LRRC37B: variants seen among roughly 807,000 people sequenced by gnomAD.
The protein encoded by LRRC37B is leucine rich repeat containing 37B.
In LRRC37B, 28 loss-of-function variants were observed where a neutral mutation model predicts 98.3. That is an observed-to-expected ratio of 0.28 (90% CI 0.21 to 0.39). LRRC37B has a LOEUF of 0.39. Among genes scored for constraint, LRRC37B ranks in the 10% least tolerant of loss-of-function variants. The pLI is 1.00. For missense variants in LRRC37B, 938 were observed against 1,182.7 expected (o/e 0.79, Z 3.03); for synonymous variants, 364 against 442.7 (o/e 0.82, Z 2.23).
At chr17:32,021,649 C>T in exon 1 of LRRC37B, 3 of 1,614,222 alleles carry the variant, frequency 1.9e-6, no homozygotes, top group Non-Finnish European at 2.5e-6. Flanking sequence ...GGTCATCAGG[C>T]AGATGAAATA....
intron 1 of LRRC37B, among the ~76,000 whole-genome samples, chr17:32,010,868 A>ATGAGAATATG (rs2142234340): frequency 6.6e-6 from 1 of 152,308 alleles, no homozygotes; most frequent in Non-Finnish European, 1.5e-5. Context: ...TCACATATGA[A>ATGAGAATATG]TGAGAATATG....
intron 7 of LRRC37B, among the ~76,000 whole-genome samples, chr17:32,043,467 G>A (rs1312674020): frequency 2.6e-5 from 4 of 152,256 alleles, no homozygotes; most frequent in East Asian, 3.9e-4. Context: ...AGGCTGAGGC[G>A]GGAGGATCAC....
chr17:32,053,012 T>C (rs1911802116), intron 11 of LRRC37B: 1 of 440,294 alleles, frequency 2.3e-6, no homozygotes. Flanking sequence ...TGCACCATTA[T>C]ACGTAAGGTA....
intron 6 of LRRC37B, among the ~76,000 whole-genome samples, chr17:32,035,208 A>G (rs1911214156): frequency 6.6e-6 from 1 of 152,238 alleles, no homozygotes; most frequent in Non-Finnish European, 1.5e-5. Context: ...GATTTGGAAC[A>G]TGTAGACACA....
At chr17:32,032,395 ACATCGCTCTACTTTAATTC>A in intron 5 of LRRC37B, among the ~76,000 whole-genome samples, 1 of 152,372 alleles carries the variant, frequency 6.6e-6, no homozygotes, top group South Asian at 2.1e-4. Flanking sequence ...TAAAGAAAAT[ACATCGCTCTACTTTAATTC>A]CATATACTTT....
chr17:32,038,963 T>A (rs1157314159), intron 7 of LRRC37B, among the ~76,000 whole-genome samples: 3 of 152,248 alleles, frequency 2.0e-5, no homozygotes, highest in African/African-American at 7.2e-5. Flanking sequence ...ATATGGCTTG[T>A]GCTTTTTTGT....
intron 5 of LRRC37B, chr17:32,034,160 T>C (rs968116058): frequency 6.6e-6 from 1 of 152,208 alleles, no homozygotes; most frequent in African/African-American, 2.4e-5. Flanking sequence ...CTATTTTTTT[T>C]CCTTAACTGT....
chr17:32,043,893 A>G (rs114910976), intron 7 of LRRC37B, among the ~76,000 whole-genome samples: 6,084 of 148,608 alleles, frequency 0.041, 210 homozygotes, highest in South Asian at 0.075. Context: ...TACAACTTCT[A>G]TAATGTAATA....
intron 7 of LRRC37B, among the ~76,000 whole-genome samples, chr17:32,044,994 A>C (rs1911533996): frequency 6.6e-6 from 1 of 152,218 alleles, no homozygotes; most frequent in Non-Finnish European, 1.5e-5. Context: ...CTTTTCACCC[A>C]ACTCCATCAG....
At chr17:32,033,214 G>A (rs1029259799) in intron 5 of LRRC37B, among the ~76,000 whole-genome samples, 1 of 151,816 alleles carries the variant, frequency 6.6e-6, no homozygotes, top group Non-Finnish European at 1.5e-5. Context: ...CCTGACCTCA[G>A]ATGATCCACC....
intron 2 of LRRC37B, among the ~76,000 whole-genome samples, chr17:32,027,293 G>T (rs1267670498): frequency 6.6e-6 from 1 of 152,154 alleles, no homozygotes; most frequent in African/African-American, 2.4e-5. Flanking sequence ...GATACAATTT[G>T]GTGGGAAGAG....
chr17:32,021,954 G>GT lies in LRRC37B; in HGVS notation c.889_890insT (p.Glu297ValfsTer4). 1 of 1,614,040 alleles carries GT rather than the reference G, an allele frequency of 6.2e-7. No individual in the cohort carries two copies. Among genetic ancestry groups the GT allele is most frequent in the Middle Eastern group, 1.7e-4 (1 of 6,058 alleles). On this transcript the variant is annotated frameshift_variant, in exon 1 of 12. Coordinates refer to ENST00000327564, the Ensembl canonical transcript of LRRC37B. LOFTEE classifies it high-confidence loss of function. ...TCTAGAGCCCAAAAGTCAAAATCCA[G>GT]AGACCCTTGAAGACATCCAGTCCTC...
exon 1 of LRRC37B, chr17:32,022,146 G>A: frequency 1.2e-6 from 2 of 1,613,696 alleles, no homozygotes; most frequent in Non-Finnish European, 1.7e-6. Context: ...TGAGGATCAA[G>A]CTCATTATAA....
chr17:32,032,087 G>C (rs35921868), intron 5 of LRRC37B, among the ~76,000 whole-genome samples: 6 of 151,960 alleles, frequency 3.9e-5, no homozygotes, highest in African/African-American at 7.3e-5. Context: ...GGCCAACATG[G>C]CGAAACCCCG....
upstream of LRRC37B, chr17:32,007,736 G>A: frequency 8.4e-7 from 1 of 1,194,092 alleles, no homozygotes; most frequent in Non-Finnish European, 1.0e-6. The surrounding 1 kb of genome is among the most constrained non-coding windows in gnomAD (Gnocchi z 4.1). Flanking sequence ...ATACGCGGTA[G>A]TAGCCGGGGC....
At chr17:32,017,183 A>G (rs1363315981), upstream of LRRC37B, 1 of 152,228 alleles carries the variant, frequency 6.6e-6, no homozygotes, top group Non-Finnish European at 1.5e-5. Context: ...TCTGTAGAGC[A>G]TGTGGGCCAT....
At chr17:32,053,389 G>A in exon 12 of LRRC37B, 2 of 1,252,266 alleles carry the variant, frequency 1.6e-6, no homozygotes, top group Non-Finnish European at 2.2e-6. Context: ...ATTAAATATT[G>A]GTTTTTTACT....
upstream of LRRC37B, among the ~76,000 whole-genome samples, chr17:32,018,828 G>A (rs151263579): frequency 1.1e-3 from 171 of 152,218 alleles, no homozygotes; most frequent in Non-Finnish European, 1.8e-3. Context: ...TTACAATCAC[G>A]TGCTGCAAAA....
chr17:32,036,247 C>T (rs1911242213), intron 7 of LRRC37B: 1 of 152,368 alleles, frequency 6.6e-6, no homozygotes, highest in African/African-American at 2.4e-5. Context: ...GTGATCTGCC[C>T]ACTTCGGCCT....
Sources: gnomAD v4.1 joint callset for allele counts (sites outside exome capture counted in the v4.1 genomes callset) on GRCh38, gnomAD v4.1.1 for gene constraint, Gnocchi (gnomAD v3.1) non-coding constraint, MANE v1.5 for transcripts, NCBI Gene and HGNC (gene_info 2026-07-23, HGNC 2026-07-21) for gene names.